ADGRL1: variants seen among roughly 807,000 people sequenced by gnomAD.
ADGRL1 encodes the protein CIRL-1.
ADGRL1 carries 31 observed loss-of-function variants against 148.9 expected under a neutral mutation model. The ratio of observed to expected loss-of-function variants is 0.21; its 90% CI spans 0.16 to 0.28. The LOEUF (loss-of-function observed/expected upper bound fraction) is 0.28. Among genes scored for constraint, ADGRL1 ranks in the 10% least tolerant of loss-of-function variants. ADGRL1 has a pLI of 1.00. For synonymous variants in ADGRL1, 937 were observed against 900.3 expected (o/e 1.04, Z -0.73); for missense variants, 1,521 against 2,058.8 (o/e 0.74, Z 5.05).
At chr19:14,186,950 C>T (rs1046194921) in intron 1 of ADGRL1, among the ~76,000 whole-genome samples, 2 of 152,340 alleles carry the variant, frequency 1.3e-5, no homozygotes, top group African/African-American at 2.4e-5. Flanking sequence ...TGCCCTCACC[C>T]GCCATCCTTT....
intron 1 of ADGRL1, among the ~76,000 whole-genome samples, chr19:14,186,457 TTCC>T (rs1224138907): frequency 6.6e-6 from 1 of 152,130 alleles, no homozygotes; most frequent in Non-Finnish European, 1.5e-5. Context: ...TCTGCCTTGA[TTCC>T]TCACCTTCCC....
chr19:14,188,270 G>C (rs1006612350), intron 1 of ADGRL1, among the ~76,000 whole-genome samples: 11 of 151,998 alleles, frequency 7.2e-5, no homozygotes, highest in Non-Finnish European at 1.2e-4. Context: ...TATTCTGCAG[G>C]GTTCTGGTAA....
intron 3 of ADGRL1, among the ~76,000 whole-genome samples, chr19:14,172,197 G>C (rs1970518630): frequency 6.6e-6 from 1 of 152,164 alleles, no homozygotes; most frequent in Non-Finnish European, 1.5e-5. Context: ...CAAGGCGGGT[G>C]GATCACCTGA....
Position 14,160,377 on chromosome 19 carries a change from G to T in ADGRL1, c.1615-80C>A. 1 of 1,326,466 alleles carries T rather than the reference G, an allele frequency of 7.5e-7. No homozygotes were observed. Among genetic ancestry groups the T allele is most frequent in the Non-Finnish European group, 1.0e-6 (1 of 962,144 alleles). 82.2% of individuals were successfully genotyped at this position (1,326,466 alleles called of 1,614,324 possible). A position where few individuals can be genotyped will look rare whatever the true frequency, so the allele number is the denominator to read the frequency against. On this transcript the variant is annotated intron_variant, in intron 7 of 22. Coordinates refer to ENST00000361434, the MANE Select transcript of ADGRL1 (RefSeq NM_014921.5). The surrounding 1 kb of genome is among the most constrained non-coding windows in gnomAD (Gnocchi z 5.9). ...GCCCTCCCCGGCTTCCCTGGCCTGT[G>T]CAGCCTCTCCTATCTCTCTCTCCAC...
In ADGRL1 at chr19:14,160,705, A is replaced by G; in HGVS notation, c.1511-9T>C. On this transcript the variant is annotated splice_polypyrimidine_tract_variant and intron_variant, in intron 6 of 22. Transcript: ENST00000361434. This position sits in a 1 kb window ranked among gnomAD's most constrained non-coding sequence, Gnocchi z 5.9. ...CTGGAAGGAGGCAATTCCTGCAGGG[A>G]CAGACAGACAGGAACAGACAAGGGA... The G allele has an allele frequency of 6.5e-7, 1 of 1,529,820 alleles. No homozygotes were observed. The highest frequency in any genetic ancestry group is 9.0e-7 in the Non-Finnish European group (1 of 1,105,160). 94.8% of individuals were successfully genotyped at this position (1,529,820 alleles called of 1,614,324 possible). A position where few individuals can be genotyped will look rare whatever the true frequency, so the allele number is the denominator to read the frequency against.
chr19:14,155,366 T>C lies in ADGRL1; in HGVS notation c.3287A>G (p.Gln1096Arg), dbSNP rs1388580953. The change falls in exon 18 of 23, where the codon CAG (glutamine) becomes CGG (arginine). Residue 1096 changes from glutamine to arginine, a missense_variant. Transcript: ENST00000361434. This position sits in a 1 kb window ranked among gnomAD's most constrained non-coding sequence, Gnocchi z 5.0. ...VFIFVFHCAL[Q>R]KKVHKEYSKC... ...ACCCCGCCTCGACCTCACCTTCTTC[T>C]GTAAGGCGCAGTGAAAGACGAAGAT... The C allele has an allele frequency of 1.2e-6, 2 of 1,613,644 alleles. No individual in the cohort carries two copies. Among genetic ancestry groups the C allele is most frequent in the Non-Finnish European group, 1.7e-6 (2 of 1,179,744 alleles).
intron 1 of ADGRL1, among the ~76,000 whole-genome samples, chr19:14,187,019 C>T (rs1290730216): frequency 1.3e-5 from 2 of 152,162 alleles, no homozygotes; most frequent in Admixed American, 6.5e-5. Flanking sequence ...TTTATCAACA[C>T]GAGCTTCTTG....
Position 14,151,255 on chromosome 19 carries a change from C to T in ADGRL1, c.4028G>A (p.Arg1343Gln), listed in dbSNP as rs773938056. ...GCTCTGGTACAGCACCGACTGGGCC[C>T]GGGGCAGCAGCAGAGGCTCCTCCAG... ...KALEEPLLLP[R>Q]AQSVLYQSDL... is the part of the protein sequence containing the mutation. The change falls in exon 23 of 23, where the codon CGG becomes CAG. Residue 1343 changes from arginine to glutamine, a missense_variant. Around this residue, in one of 8 missense-constraint regions of ADGRL1, gnomAD observed 390 missense variants for 375.0 expected, o/e 1.04. Coordinates refer to ENST00000361434, the MANE Select transcript of ADGRL1 (RefSeq NM_014921.5). 12 of 1,611,900 alleles carry T rather than the reference C, an allele frequency of 7.4e-6. No individual in the cohort carries two copies. In the East Asian group the frequency reaches 1.3e-4, roughly 18 times the overall value.
chr19:14,202,583 G>A (rs1214318914), intron 1 of ADGRL1, among the ~76,000 whole-genome samples: 2 of 152,142 alleles, frequency 1.3e-5, no homozygotes, highest in Non-Finnish European at 2.9e-5. Context: ...AACCCCATAT[G>A]TGTTGCTAGA....
In ADGRL1 at chr19:14,170,700, A is replaced by G; in HGVS notation, c.376T>C (p.Tyr126His). Reference protein sequence around the residue: ...PGTYKYLEVQYDCVPYIFVCP... With the variant: ...PGTYKYLEVQHDCVPYIFVCP... ...GACTCACTGTAGGGGACACAGTCGT[A>G]CTGCACCTCCAGGTACTTGTAGGTC... Residue 126 changes from tyrosine (Y) to histidine (H), a missense_variant, in exon 4 of 23, where the codon TAC becomes CAC. Coordinates refer to ENST00000361434, the MANE Select transcript of ADGRL1 (RefSeq NM_014921.5). The G allele has an allele frequency of 6.2e-7, 1 of 1,611,274 alleles. No individual in the cohort carries two copies.
Position 14,155,075 on chromosome 19 carries a change from C to A in ADGRL1, c.3294+284G>T. 1 of 224,026 alleles carries A rather than the reference C, an allele frequency of 4.5e-6. No homozygotes were observed. Among genetic ancestry groups the A allele is most frequent in the Non-Finnish European group, 8.8e-6 (1 of 113,692 alleles). 13.9% of individuals were successfully genotyped at this position (224,026 alleles called of 1,614,324 possible). A position where few individuals can be genotyped will look rare whatever the true frequency, so the allele number is the denominator to read the frequency against. ...CCTCTCCCAGGCCTGACTCGTGGCC[C>A]TCATGGTGGTGAGGGTTCCCCATTA... On this transcript the variant is annotated intron_variant, in intron 18 of 22. Transcript: ENST00000361434. The surrounding 1 kb of genome is among the most constrained non-coding windows in gnomAD (Gnocchi z 5.0).
At chr19:14,182,083 C>A (rs1207003716) in intron 2 of ADGRL1, among the ~76,000 whole-genome samples, 1 of 152,160 alleles carries the variant, frequency 6.6e-6, no homozygotes, top group Admixed American at 6.5e-5. Flanking sequence ...CCAGCCCGGC[C>A]ACTCCCTGGC....
Position 14,187,567 on chromosome 19 carries a change from T to TC in ADGRL1, c.-95-3871dup, listed in dbSNP as rs111481851. ...CCACTGCCCCAGCTTCTTCAGTAAA[T>TC]CCCCCCCAGCTACCTCCAGCCCCCA... On this transcript the variant is annotated intron_variant, in intron 1 of 22. Transcript: ENST00000361434. Among the ~76,000 whole-genome samples the TC allele has an allele frequency of 2.6e-3, 333 of 126,094 alleles. 3 individuals are homozygous for TC. The highest frequency in any genetic ancestry group is 9.1e-3 in the African/African-American group (300 of 32,978). 82.7% of individuals were successfully genotyped at this position (126,094 alleles called of 152,430 possible).
At chr19:14,198,352 G>A (rs1972399514) in intron 1 of ADGRL1, among the ~76,000 whole-genome samples, 1 of 152,058 alleles carries the variant, frequency 6.6e-6, no homozygotes, top group South Asian at 2.1e-4. Flanking sequence ...GTTGCTGGGA[G>A]TGGAGGGTAC....
chr19:14,164,387 G>A, intron 4 of ADGRL1, among the ~76,000 whole-genome samples: 1 of 152,106 alleles, frequency 6.6e-6, no homozygotes, highest in East Asian at 1.9e-4. Flanking sequence ...GCGAGGTCCT[G>A]GCTCCGTGGG....
At chr19:14,202,278 AG>A (rs1429829440) in intron 1 of ADGRL1, among the ~76,000 whole-genome samples, 2 of 151,050 alleles carry the variant, frequency 1.3e-5, no homozygotes, top group African/African-American at 4.9e-5. Context: ...ATTGAGAATG[AG>A]TCTCGCTCTG....
At chr19:14,205,018 G>GT (rs1972890977) in intron 1 of ADGRL1, among the ~76,000 whole-genome samples, 1 of 152,114 alleles carries the variant, frequency 6.6e-6, no homozygotes. Context: ...ATGGGGCAGT[G>GT]TGAGGACCCG....
intron 11 of ADGRL1, 125 bp downstream of exon 11, chr19:14,158,965 T>C: frequency 8.0e-7 from 1 of 1,245,560 alleles, no homozygotes; most frequent in Non-Finnish European, 1.1e-6. Flanking sequence ...CCCCTCAAAT[T>C]TTACACTAGC....
At chr19:14,154,893 A>G (rs1968566657) in intron 18 of ADGRL1, among the ~76,000 whole-genome samples, 1 of 152,154 alleles carries the variant, frequency 6.6e-6, no homozygotes, top group Non-Finnish European at 1.5e-5. Flanking sequence ...CTGGGATTAC[A>G]GGCGTGAGCC....
Sources: allele counts gnomAD v4.1 joint callset (sites outside exome capture counted in the v4.1 genomes callset), GRCh38; gene constraint gnomAD v4.1.1; regional missense constraint gnomAD v4.1.1; non-coding constraint Gnocchi (gnomAD v3.1); transcripts MANE v1.5; gene names NCBI Gene and HGNC (gene_info 2026-07-23, HGNC 2026-07-21).